WDR70: variants seen among roughly 807,000 people sequenced by gnomAD.
WDR70 encodes WD repeat domain 70.
Under a neutral mutation model 88.6 loss-of-function variants are expected in WDR70, and 53 were observed. The observed-to-expected ratio is 0.60, with a 90% CI of 0.48 to 0.75. WDR70 has a LOEUF of 0.75. Among genes scored for constraint, WDR70 ranks in the 30% least tolerant of loss-of-function variants. The probability of loss-of-function intolerance (pLI) is 0.00; values close to 1 mark genes in which losing one functional copy is unlikely to be tolerated. For missense variants in WDR70, 610 were observed against 823.2 expected (o/e 0.74, Z 3.17); for synonymous variants, 280 against 270.0 (o/e 1.04, Z -0.36).
chr5:37,389,678 C>T (rs544851291), intron 3 of WDR70, among the ~76,000 whole-genome samples: 1 of 152,252 alleles, frequency 6.6e-6, no homozygotes, highest in East Asian at 1.9e-4. Flanking sequence ...TCCCAAAGTG[C>T]TGGGATTACA....
intron 10 of WDR70, among the ~76,000 whole-genome samples, chr5:37,649,670 A>G (rs1423598430): frequency 4.0e-5 from 6 of 149,480 alleles, no homozygotes; most frequent in Admixed American, 2.0e-4. Flanking sequence ...ATGAAAAGTT[A>G]TAGTACATAT....
In WDR70 at chr5:37,699,398, T is replaced by TACACACACACACACACAC. The variant is rs780835202; in HGVS notation, c.1192+1645_1192+1646insCACACACACACACACACA. 9.4e-4 allele frequency among the ~76,000 whole-genome samples: 70 copies of TACACACACACACACACAC among 74,136 alleles called. No individual in the cohort carries two copies. The South Asian group carries it at 0.01, about 11-fold the overall frequency. 48.6% of individuals were successfully genotyped at this position (74,136 alleles called of 152,430 possible). Reference sequence around the variant, plus strand: ...GTATATATATGTATGTGTGTATATATATATACACACACACACACACACACA... The same window carrying TACACACACACACACACAC: ...GTATATATATGTATGTGTGTATATATACACACACACACACACACATATACACACACACACACACACACA... On this transcript the variant is annotated intron_variant, in intron 11 of 17. Transcript: ENST00000265107.
intron 7 of WDR70, among the ~76,000 whole-genome samples, chr5:37,464,796 C>T (rs780044892): frequency 1.3e-5 from 2 of 152,152 alleles, no homozygotes; most frequent in East Asian, 1.9e-4. Context: ...GCAAACTGCA[C>T]GGGTGCTGGA....
chr5:37,407,185 G>A (rs1439196519), intron 5 of WDR70, among the ~76,000 whole-genome samples: 1 of 151,816 alleles, frequency 6.6e-6, no homozygotes, highest in Non-Finnish European at 1.5e-5. Flanking sequence ...GGGAGAGATG[G>A]GCCTGAATAT....
chr5:37,582,102 AT>A (rs1175311738), intron 9 of WDR70, among the ~76,000 whole-genome samples: 1 of 151,534 alleles, frequency 6.6e-6, no homozygotes, highest in Non-Finnish European at 1.5e-5. Context: ...TTGTTACAGT[AT>A]TAGTTAGTAA....
intron 17 of WDR70, among the ~76,000 whole-genome samples, chr5:37,749,597 A>G (rs908939030): frequency 2.9e-4 from 44 of 152,220 alleles, no homozygotes; most frequent in African/African-American, 1.0e-3. Flanking sequence ...TAATGTGGCC[A>G]TTTTGCTGGC....
At chr5:37,495,871 C>G (rs917129165) in intron 8 of WDR70, among the ~76,000 whole-genome samples, 1 of 152,176 alleles carries the variant, frequency 6.6e-6, no homozygotes, top group South Asian at 2.1e-4. Context: ...ACTTAACATT[C>G]CCATTGCCTT....
intron 9 of WDR70, among the ~76,000 whole-genome samples, chr5:37,552,663 C>T (rs1439758213): frequency 6.6e-6 from 1 of 152,056 alleles, no homozygotes; most frequent in African/African-American, 2.4e-5. Context: ...ATTTAGAGTG[C>T]CCTTTCTCCA....
chr5:37,473,396 T>C (rs1332355896), intron 7 of WDR70, among the ~76,000 whole-genome samples: 3 of 149,722 alleles, frequency 2.0e-5, no homozygotes, highest in Non-Finnish European at 4.4e-5. Flanking sequence ...CAAGCTGGAG[T>C]GCAATGGCAT....
At chr5:37,748,296 C>T (rs1364632632) in intron 17 of WDR70, among the ~76,000 whole-genome samples, 2 of 152,136 alleles carry the variant, frequency 1.3e-5, no homozygotes, top group East Asian at 1.9e-4. Context: ...AGAACAGAGT[C>T]CTCAGAAACC....
At chr5:37,615,998 C>G (rs531553220) in intron 10 of WDR70, among the ~76,000 whole-genome samples, 1 of 152,322 alleles carries the variant, frequency 6.6e-6, no homozygotes, top group Admixed American at 6.5e-5. Flanking sequence ...AAACGCAATA[C>G]TTACTACTTC....
chr5:37,638,725 AT>A (rs1209896565), intron 10 of WDR70, among the ~76,000 whole-genome samples: 2 of 152,184 alleles, frequency 1.3e-5, no homozygotes, highest in African/African-American at 4.8e-5. Context: ...CAGAGATCAG[AT>A]TTTGTTAATT....
intron 10 of WDR70, among the ~76,000 whole-genome samples, chr5:37,647,591 G>C (rs900638745): frequency 6.6e-6 from 1 of 152,108 alleles, no homozygotes; most frequent in Non-Finnish European, 1.5e-5. Flanking sequence ...TTTCATTAGG[G>C]GGCACCCCAA....
chr5:37,399,088 C>T (rs1051912734), intron 5 of WDR70, among the ~76,000 whole-genome samples: 1 of 152,204 alleles, frequency 6.6e-6, no homozygotes, highest in African/African-American at 2.4e-5. Context: ...ACCATCCTGG[C>T]TAACACGGTG....
At chr5:37,464,761 T>C (rs1340835111) in intron 7 of WDR70, among the ~76,000 whole-genome samples, 2 of 152,200 alleles carry the variant, frequency 1.3e-5, no homozygotes, top group African/African-American at 4.8e-5. Flanking sequence ...CTGACTGCTG[T>C]GCACTTCAGG....
At chr5:37,562,701 C>A (rs1278645618) in intron 9 of WDR70, among the ~76,000 whole-genome samples, 1 of 152,102 alleles carries the variant, frequency 6.6e-6, no homozygotes, top group South Asian at 2.1e-4. Flanking sequence ...CATCTTGCAC[C>A]ACCCTTAATC....
At chr5:37,716,816 A>G (rs984921565) in intron 13 of WDR70, among the ~76,000 whole-genome samples, 15 of 152,162 alleles carry the variant, frequency 9.9e-5, no homozygotes, top group African/African-American at 3.6e-4. Context: ...AGTAAACAAA[A>G]TAACCACAGA....
intron 17 of WDR70, among the ~76,000 whole-genome samples, chr5:37,727,861 C>T (rs1748024342): frequency 1.3e-5 from 2 of 152,228 alleles, no homozygotes; most frequent in Middle Eastern, 3.4e-3. Context: ...CAGGCATGAG[C>T]CACTCCACCT....
intron 9 of WDR70, among the ~76,000 whole-genome samples, chr5:37,594,287 T>G (rs1445543063): frequency 6.6e-6 from 1 of 152,214 alleles, no homozygotes; most frequent in East Asian, 1.9e-4. Context: ...GTCTAACATT[T>G]AAGTCTTTAA....
Sources: gnomAD v4.1 joint callset for allele counts (sites outside exome capture counted in the v4.1 genomes callset) on GRCh38, gnomAD v4.1.1 for gene constraint, MANE v1.5 for transcripts, NCBI Gene and HGNC (gene_info 2026-07-23, HGNC 2026-07-21) for gene names.